ITGAV: variants seen among roughly 807,000 people sequenced by gnomAD.
The protein encoded by ITGAV is integrin subunit alpha V, also known as integrin alpha-V.
ITGAV carries 76 observed loss-of-function variants against 143.8 expected under a neutral mutation model. The observed-to-expected ratio is 0.53, with a 90% CI of 0.44 to 0.64. The LOEUF is 0.64. Among genes scored for constraint, ITGAV ranks in the 30% least tolerant of loss-of-function variants. ITGAV has a pLI of 0.00. For synonymous variants in ITGAV, 453 were observed against 446.7 expected (o/e 1.01, Z -0.18); for missense variants, 1,193 against 1,274.7 (o/e 0.94, Z 0.98).
At position 186,645,418 on chromosome 2, in the gene ITGAV, CAG is replaced by C. The variant is rs559686832; in HGVS notation, c.1160-1266_1160-1265del. On this transcript the variant is annotated intron_variant, in intron 12 of 29. Transcript: ENST00000261023. ...AAGCTAGCTTGGTGTGTTTAATAAA[CAG>C]AAAAAAAGGCCAGGATTGCTGGAAA... Among the ~76,000 whole-genome samples the C allele has an allele frequency of 4.2e-4, 62 of 149,080 alleles. 1 individual carries two copies. In the South Asian group the frequency reaches 0.013, roughly 31 times the overall value.
At chr2:186,630,706 CTTATGA>C in intron 4 of ITGAV, 85 bp from the exon 5 acceptor site, 1 of 714,712 alleles carries the variant, frequency 1.4e-6, no homozygotes, top group Non-Finnish European at 2.5e-6. Flanking sequence ...GGTACATTAT[CTTATGA>C]TTCTAGTGAT....
In ITGAV at chr2:186,625,607, C is replaced by T. The variant is rs746287379; in HGVS notation, c.523+20C>T. 1.9e-5 allele frequency: 29 copies of T among 1,550,108 alleles called. No individual in the cohort carries two copies. The highest frequency in any genetic ancestry group is 2.6e-5 in the Non-Finnish European group (29 of 1,127,016). ...GATCACGTATGTATAGGATATTGTACCAGCTTTTAAGAAGAGGGGTGGGAA... is the reference window on the plus strand; with the variant it reads ...GATCACGTATGTATAGGATATTGTATCAGCTTTTAAGAAGAGGGGTGGGAA... On this transcript the variant is annotated intron_variant, in intron 4 of 29. Transcript: ENST00000261023.
intron 10 of ITGAV, among the ~76,000 whole-genome samples, chr2:186,639,027 A>T (rs1171809891): frequency 6.6e-6 from 1 of 151,882 alleles, no homozygotes; most frequent in Admixed American, 6.6e-5. Flanking sequence ...TCAATGCCTT[A>T]TAATTTTATT....
At chr2:186,599,702 T>A (rs1559037596) in intron 1 of ITGAV, among the ~76,000 whole-genome samples, 1 of 152,192 alleles carries the variant, frequency 6.6e-6, no homozygotes, top group Non-Finnish European at 1.5e-5. Flanking sequence ...ATGGGGGTCT[T>A]ACTATGTTGC....
intron 1 of ITGAV, among the ~76,000 whole-genome samples, chr2:186,598,984 T>A (rs1487265000): frequency 6.6e-6 from 1 of 152,214 alleles, no homozygotes; most frequent in Non-Finnish European, 1.5e-5. Context: ...TTTTGTCTAC[T>A]GTAGATGAGA....
At chr2:186,631,010 T>G (rs189925619) in intron 5 of ITGAV, 152 bp downstream of exon 5, 9 of 519,514 alleles carry the variant, frequency 1.7e-5, no homozygotes, top group Admixed American at 1.5e-4. Flanking sequence ...TTTGACATTC[T>G]TTGTCTTATA....
At chr2:186,671,109 C>T (rs982948173) in intron 26 of ITGAV, among the ~76,000 whole-genome samples, 6 of 152,148 alleles carry the variant, frequency 3.9e-5, no homozygotes, top group Non-Finnish European at 5.9e-5. Flanking sequence ...TTTCCCTTCT[C>T]GATTGGACTA....
chr2:186,633,320 T>C lies in ITGAV; in HGVS notation c.586-9T>C, dbSNP rs1216510117. 6.4e-7 allele frequency: 1 copy of C among 1,565,814 alleles called. No individual in the cohort carries two copies. The highest frequency in any genetic ancestry group is 8.7e-7 in the Non-Finnish European group (1 of 1,144,782). On this transcript the variant is annotated splice_polypyrimidine_tract_variant and intron_variant, in intron 5 of 29. Coordinates refer to ENST00000261023, the MANE Select transcript of ITGAV (RefSeq NM_002210.5). ...AATATATATCTTTTTGTTGTGTGAT[T>C]TCATCTAGGCTGACAGAGTACTTCT...
intron 17 of ITGAV, among the ~76,000 whole-genome samples, chr2:186,657,700 G>C (rs1278819165): frequency 2.6e-5 from 4 of 152,142 alleles, no homozygotes; most frequent in African/African-American, 7.2e-5. Context: ...ACAGATAAGG[G>C]AGGAATTAAC....
intron 11 of ITGAV, 120 bp from the exon 12 acceptor site, chr2:186,641,266 G>A (rs1688095039): frequency 2.0e-5 from 14 of 717,440 alleles, no homozygotes; most frequent in Non-Finnish European, 3.1e-5. Flanking sequence ...TAATCATTTT[G>A]TGTTTCACTG....
At chr2:186,615,161 C>G (rs1687317177) in intron 2 of ITGAV, among the ~76,000 whole-genome samples, 1 of 151,974 alleles carries the variant, frequency 6.6e-6, no homozygotes, top group Admixed American at 6.6e-5. Flanking sequence ...TTTTTATTGC[C>G]TAACAGTATT....
intron 3 of ITGAV, 125 bp downstream of exon 3, chr2:186,622,555 A>G: frequency 1.5e-6 from 1 of 646,754 alleles, no homozygotes; most frequent in Non-Finnish European, 2.8e-6. Flanking sequence ...ATAACAACAT[A>G]AGATAGCTCT....
intron 8 of ITGAV, 33 bp downstream of exon 8, chr2:186,637,142 A>C (rs772964209): frequency 6.5e-7 from 1 of 1,536,562 alleles, no homozygotes; most frequent in South Asian, 1.1e-5. Context: ...CTAATCTTTA[A>C]AAAAATTAGA....
chr2:186,652,077 T>C lies in ITGAV; in HGVS notation c.1493T>C (p.Leu498Pro), dbSNP rs1688450001. The C allele has an allele frequency of 1.3e-6, 2 of 1,596,832 alleles. No homozygotes were observed. The highest frequency in any genetic ancestry group is 8.6e-7 in the Non-Finnish European group (1 of 1,164,456). The part of the protein sequence containing the change: ...NKTCSLPGTA[L>P]KVSCFNVRFC... ...ACCTGCTCACTGCCTGGAACAGCTC[T>C]CAAAGTTTCCTGGTAAGGGTATTTG... The change falls in exon 15 of 30, where the codon CTC (leucine) becomes CCC (proline). Residue 498 changes from leucine to proline, a missense_variant. Physicochemically the swap from Leu to Pro is moderately conservative, Grantham distance 98. Coordinates refer to ENST00000261023, the MANE Select transcript of ITGAV (RefSeq NM_002210.5).
chr2:186,601,930 A>C, intron 1 of ITGAV, 91 bp from the exon 2 acceptor site: 1 of 1,277,600 alleles, frequency 7.8e-7, no homozygotes, highest in Non-Finnish European at 1.1e-6. Flanking sequence ...TTTATAGATA[A>C]TATCAAGAGA....
chr2:186,640,780 A>G, intron 10 of ITGAV, 135 bp from the exon 11 acceptor site: 2 of 675,542 alleles, frequency 3.0e-6, no homozygotes, highest in South Asian at 2.1e-5. Context: ...AGAATAAACA[A>G]AAGACAAGAC....
intron 2 of ITGAV, among the ~76,000 whole-genome samples, chr2:186,611,066 G>C (rs1436161784): frequency 6.6e-6 from 1 of 152,076 alleles, no homozygotes; most frequent in Non-Finnish European, 1.5e-5. Context: ...CCAGCTTGTA[G>C]AGCCATTGGC....
chr2:186,654,805 A>G (rs1177759078), intron 16 of ITGAV, 97 bp downstream of exon 16: 1 of 578,222 alleles, frequency 1.7e-6, no homozygotes, highest in Non-Finnish European at 3.1e-6. Context: ...TTGAATTGTT[A>G]TTATAATTTT....
chr2:186,654,494 A>G (rs1159169409), intron 15 of ITGAV, among the ~76,000 whole-genome samples, 156 bp from the exon 16 acceptor site: 4 of 152,192 alleles, frequency 2.6e-5, no homozygotes, highest in Non-Finnish European at 2.9e-5. Flanking sequence ...AGGTTAGTGT[A>G]TATAGTTTCA....
Sources: gnomAD v4.1 joint callset for allele counts (sites outside exome capture counted in the v4.1 genomes callset) on GRCh38, gnomAD v4.1.1 for gene constraint, MANE v1.5 for transcripts, NCBI Gene and HGNC (gene_info 2026-07-23, HGNC 2026-07-21) for gene names.